The following CUL2 variants were observed in gnomAD, a reference collection of about 807,000 sequenced individuals.
CUL2 encodes the protein cullin 2.
In CUL2, 22 loss-of-function variants were observed where a neutral mutation model predicts 110.2. The observed-to-expected ratio is 0.20, with a 90% CI of 0.14 to 0.28. The LOEUF is 0.28. Ranked by LOEUF, CUL2 falls within the 10% of genes least tolerant of loss-of-function variation. CUL2 has a pLI of 1.00. For missense variants in CUL2, 631 were observed against 905.5 expected (o/e 0.70, Z 3.89); for synonymous variants, 279 against 293.2 (o/e 0.95, Z 0.49).
intron 1 of CUL2, among the ~76,000 whole-genome samples, chr10:35,073,002 G>A (rs1257338464): frequency 1.3e-5 from 2 of 152,136 alleles, no homozygotes; most frequent in East Asian, 3.9e-4. Context: ...GAGCGGGTAG[G>A]ATGGCGGCCG....
chr10:35,032,892 C>T (rs2134728332), intron 11 of CUL2, among the ~76,000 whole-genome samples: 1 of 152,020 alleles, frequency 6.6e-6, no homozygotes, highest in South Asian at 2.1e-4. Flanking sequence ...AAAATCAGTA[C>T]TAAAAATTGC....
At position 35,012,045 on chromosome 10, in the gene CUL2, T is replaced by G. The variant is rs995938595; in HGVS notation, c.1990-81A>C. On this transcript the variant is annotated intron_variant, in intron 19 of 20. Transcript: ENST00000374749. ...GTTTTCAATTCATTTTATCAGTGAGTGCAAATACTTTTTTTTTTTTTTTTT... is the reference window on the plus strand; with the variant it reads ...GTTTTCAATTCATTTTATCAGTGAGGGCAAATACTTTTTTTTTTTTTTTTT... 15 of 751,812 alleles carry G rather than the reference T, an allele frequency of 2.0e-5. No individual in the cohort carries two copies. The African/African-American group carries it at 2.7e-4, about 14-fold the overall frequency. 46.6% of individuals were successfully genotyped at this position (751,812 alleles called of 1,614,324 possible).
chr10:35,116,292 C>T (rs2087599609), intron 1 of CUL2, among the ~76,000 whole-genome samples: 1 of 152,038 alleles, frequency 6.6e-6, no homozygotes, highest in Non-Finnish European at 1.5e-5. Context: ...GTGTAGCAAG[C>T]TGAGATCATG....
chr10:35,112,532 T>A (rs923925723), intron 1 of CUL2, among the ~76,000 whole-genome samples: 24 of 152,184 alleles, frequency 1.6e-4, no homozygotes, highest in Admixed American at 9.2e-4. Flanking sequence ...CAGGACAGAC[T>A]GCAAGAGAAG....
intron 1 of CUL2, among the ~76,000 whole-genome samples, chr10:35,103,322 T>TTA (rs1554871794): frequency 1.0e-4 from 12 of 118,184 alleles, no homozygotes; most frequent in African/African-American, 2.7e-4. Context: ...TTTTTTTTTT[T>TTA]TTTTTTTTTT....
intron 17 of CUL2, among the ~76,000 whole-genome samples, chr10:35,018,967 G>A (rs2085117953): frequency 2.6e-5 from 4 of 151,880 alleles, no homozygotes; most frequent in Admixed American, 2.0e-4. Flanking sequence ...ACAAAAGGAG[G>A]TTTAATATAT....
At chr10:35,012,094 T>C in intron 19 of CUL2, 130 bp from the exon 20 acceptor site, 2 of 593,634 alleles carry the variant, frequency 3.4e-6, no homozygotes. Context: ...CACTCTGTCG[T>C]CCTGGCTGGA....
chr10:35,056,553 C>G (rs1477059862), intron 4 of CUL2, among the ~76,000 whole-genome samples: 2 of 152,080 alleles, frequency 1.3e-5, no homozygotes, highest in Admixed American at 1.3e-4. Flanking sequence ...AGAGGTCTTC[C>G]ACTCCCATTC....
intron 10 of CUL2, among the ~76,000 whole-genome samples, chr10:35,034,869 T>C (rs558746602): frequency 6.6e-6 from 1 of 152,332 alleles, no homozygotes; most frequent in African/African-American, 2.4e-5. Context: ...ACGTTATCAA[T>C]GCCAATTACA....
chr10:35,018,133 A>G (rs939877567), intron 17 of CUL2, among the ~76,000 whole-genome samples: 3 of 150,502 alleles, frequency 2.0e-5, no homozygotes, highest in African/African-American at 7.3e-5. Flanking sequence ...AAAAAAAAAA[A>G]AAAACTAGCA....
rs1040748919 is a variant in CUL2 at position 35,031,713 on chromosome 10, C to G, written c.1171-94G>C. On this transcript the variant is annotated intron_variant, in intron 12 of 20. Transcript: ENST00000374749. The surrounding 1 kb of genome is among the most constrained non-coding windows in gnomAD (Gnocchi z 4.4). ...AAGTGGTGATACAAGGTAAGATCAG[C>G]GGACAGAATTTTTGCTGTTTTTTTT... The G allele has an allele frequency of 7.2e-7, 1 of 1,392,608 alleles. No homozygotes were observed. The highest frequency in any genetic ancestry group is 1.4e-5 in the African/African-American group (1 of 69,554). The allele number at this position is 1,392,608 out of a possible 1,614,324, so 86.3% of individuals were successfully genotyped here.
At chr10:35,043,963 T>C (rs538138923) in intron 8 of CUL2, among the ~76,000 whole-genome samples, 3 of 145,740 alleles carry the variant, frequency 2.1e-5, no homozygotes, top group African/African-American at 7.7e-5. Flanking sequence ...AGCTACTTCG[T>C]AGGCTGAGAC....
At chr10:35,061,855 G>C (rs1006436604) in intron 3 of CUL2, among the ~76,000 whole-genome samples, 1 of 146,516 alleles carries the variant, frequency 6.8e-6, no homozygotes, top group Admixed American at 7.1e-5. Context: ...TGATCCTCCT[G>C]CCTCAGCCTC....
At chr10:35,073,599 TTTTC>T (rs897087878) in intron 1 of CUL2, among the ~76,000 whole-genome samples, 1 of 151,620 alleles carries the variant, frequency 6.6e-6, no homozygotes, top group Non-Finnish European at 1.5e-5. Flanking sequence ...TTTTTTTTCT[TTTTC>T]TTTTTCTTTT....
intron 1 of CUL2, among the ~76,000 whole-genome samples, chr10:35,110,955 T>G (rs2087516965): frequency 6.6e-6 from 1 of 152,306 alleles, no homozygotes; most frequent in South Asian, 2.1e-4. Flanking sequence ...AAGTCAAGAA[T>G]GGAAGTAGCA....
intron 9 of CUL2, among the ~76,000 whole-genome samples, chr10:35,035,515 T>A (rs1165813034): frequency 6.6e-6 from 1 of 152,214 alleles, no homozygotes; most frequent in African/African-American, 2.4e-5. Flanking sequence ...CAAATTCAAG[T>A]GAATACATAT....
chr10:35,026,326 GACTA>G (rs562603656), intron 16 of CUL2, among the ~76,000 whole-genome samples: 235 of 152,206 alleles, frequency 1.5e-3, no homozygotes, highest in Middle Eastern at 3.4e-3. Context: ...AGTATGATCT[GACTA>G]ACTAATAACT....
At chr10:35,101,344 C>T (rs549301809) in intron 1 of CUL2, among the ~76,000 whole-genome samples, 5 of 152,316 alleles carry the variant, frequency 3.3e-5, no homozygotes, top group African/African-American at 9.6e-5. Context: ...GACAACGGGT[C>T]TACCATTGTA....
intron 15 of CUL2, among the ~76,000 whole-genome samples, 189 bp from the exon 16 acceptor site, chr10:35,029,076 G>A (rs1410577336): frequency 1.4e-5 from 1 of 71,708 alleles, no homozygotes; most frequent in Non-Finnish European, 2.9e-5. Flanking sequence ...TTTTTTTTTT[G>A]AGATGGAGTC....
Sources: allele counts gnomAD v4.1 joint callset (sites outside exome capture counted in the v4.1 genomes callset), GRCh38; gene constraint gnomAD v4.1.1; non-coding constraint Gnocchi (gnomAD v3.1); transcripts MANE v1.5; gene names NCBI Gene and HGNC (gene_info 2026-07-23, HGNC 2026-07-21).